SLC20A2: variants seen among roughly 807,000 people sequenced by gnomAD.
The protein encoded by SLC20A2 is solute carrier family 20 member 2.
Under a neutral mutation model 61.0 loss-of-function variants are expected in SLC20A2, and 30 were observed. The ratio of observed to expected loss-of-function variants is 0.49; its 90% CI spans 0.37 to 0.67. The LOEUF (loss-of-function observed/expected upper bound fraction) is 0.67. Ranked by LOEUF, SLC20A2 falls within the 30% of genes least tolerant of loss-of-function variation. The pLI is 0.00. For synonymous variants in SLC20A2, 351 were observed against 353.3 expected, an observed-to-expected ratio of 0.99 and a Z score of 0.07; for missense variants, 626 against 866.4, an observed-to-expected ratio of 0.72 and a Z score of 3.48.
intron 1 of SLC20A2, among the ~76,000 whole-genome samples, chr8:42,529,666 C>CA (rs1812204273): frequency 6.6e-6 from 1 of 152,182 alleles, no homozygotes; most frequent in South Asian, 2.1e-4. Context: ...TTTCTGCTAA[C>CA]AAGACATACA....
chr8:42,484,715 A>T, intron 1 of SLC20A2: 1 of 380,756 alleles, frequency 2.6e-6, no homozygotes, highest in Non-Finnish European at 5.1e-6. Context: ...GGTGTGGTCT[A>T]TGGCTGGCAG....
intron 5 of SLC20A2, among the ~76,000 whole-genome samples, chr8:42,446,199 G>GA (rs911351183): frequency 3.3e-5 from 5 of 152,150 alleles, no homozygotes; most frequent in African/African-American, 1.2e-4. Flanking sequence ...TTACAGTGCA[G>GA]AAAAACTTTT....
At chr8:42,509,717 G>C (rs886193468) in intron 1 of SLC20A2, among the ~76,000 whole-genome samples, 8 of 152,120 alleles carry the variant, frequency 5.3e-5, no homozygotes, top group Non-Finnish European at 7.4e-5. Flanking sequence ...TTGTGCCAAT[G>C]CATTCCAGCC....
intron 1 of SLC20A2, chr8:42,534,526 T>C (rs1187157619): frequency 1.3e-5 from 2 of 152,076 alleles, no homozygotes; most frequent in Non-Finnish European, 2.9e-5. Context: ...TAAAGAGTAA[T>C]GCTGGAAAGA....
chr8:42,479,652 C>A (rs1437383285), intron 1 of SLC20A2, among the ~76,000 whole-genome samples: 3 of 152,008 alleles, frequency 2.0e-5, no homozygotes, highest in African/African-American at 7.3e-5. Flanking sequence ...ATAGCAAAAC[C>A]CTGTCTCTAC....
At chr8:42,467,873 T>C (rs954214408) in intron 2 of SLC20A2, among the ~76,000 whole-genome samples, 3 of 152,152 alleles carry the variant, frequency 2.0e-5, no homozygotes, top group Non-Finnish European at 4.4e-5. Context: ...GGAGCACGTT[T>C]CATAGCACGG....
intron 1 of SLC20A2, among the ~76,000 whole-genome samples, chr8:42,517,503 A>T (rs2131390543): frequency 6.6e-6 from 1 of 152,250 alleles, no homozygotes; most frequent in Non-Finnish European, 1.5e-5. Context: ...ATCAATTTTT[A>T]GCCATATCTG....
chr8:42,476,651 TAAAC>T (rs1022922989), intron 1 of SLC20A2, among the ~76,000 whole-genome samples: 2 of 152,168 alleles, frequency 1.3e-5, no homozygotes, highest in African/African-American at 4.8e-5. Flanking sequence ...CTCTCCTACT[TAAAC>T]AGCCTTAGAC....
chr8:42,417,758 A>G lies in SLC20A2; in HGVS notation c.*45T>C, dbSNP rs1355224830. 1 of 1,604,060 alleles carries G rather than the reference A, an allele frequency of 6.2e-7. No individual in the cohort carries two copies. Among genetic ancestry groups the G allele is most frequent in the East Asian group, 2.2e-5 (1 of 44,654 alleles). ...GAGCACACATGTCTCCCACACGCCA[A>G]CACCAGACCATCCCTTTAGCTGTTT... is the stretch of plus-strand genomic sequence containing the variant. On this transcript the variant is annotated 3_prime_UTR_variant, in exon 11 of 11. Transcript: ENST00000520262.
At chr8:42,478,207 CTTTT>C (rs1773265070) in intron 1 of SLC20A2, among the ~76,000 whole-genome samples, 1 of 131,878 alleles carries the variant, frequency 7.6e-6, no homozygotes, top group Non-Finnish European at 1.7e-5. Flanking sequence ...TTTTCTTTTC[CTTTT>C]CTTTTTTTTT....
intron 1 of SLC20A2, among the ~76,000 whole-genome samples, chr8:42,494,059 C>T (rs185749454): frequency 1.5e-3 from 221 of 152,276 alleles, no homozygotes; most frequent in African/African-American, 5.0e-3. Flanking sequence ...GGGAGGATCG[C>T]TCAAGCTGGG....
chr8:42,470,619 G>C (rs974994855), intron 2 of SLC20A2, among the ~76,000 whole-genome samples: 2 of 152,074 alleles, frequency 1.3e-5, no homozygotes, highest in Non-Finnish European at 2.9e-5. Context: ...CAGACGCCTC[G>C]AACAACATGA....
chr8:42,444,636 A>G lies in SLC20A2; in HGVS notation c.730+10T>C. The G allele has an allele frequency of 6.3e-7, 1 of 1,596,744 alleles. No homozygotes were observed. Among genetic ancestry groups the G allele is most frequent in the Non-Finnish European group, 8.6e-7 (1 of 1,165,646 alleles). On this transcript the variant is annotated intron_variant, in intron 6 of 10. Coordinates refer to ENST00000520262, the MANE Select transcript of SLC20A2 (RefSeq NM_001257180.2). ...ATTTCTGTAAATCAGAAGAATTAAA[A>G]GGCCCATACCTGTTATTTTCCTCCG...
chr8:42,419,095 T>C (rs1802874804), intron 10 of SLC20A2, among the ~76,000 whole-genome samples: 1 of 151,936 alleles, frequency 6.6e-6, no homozygotes, highest in Admixed American at 6.6e-5. Flanking sequence ...AATTCAAAAC[T>C]TAGAGAAAAG....
chr8:42,491,048 A>G (rs1809474576), intron 1 of SLC20A2, among the ~76,000 whole-genome samples: 1 of 152,242 alleles, frequency 6.6e-6, no homozygotes, highest in South Asian at 2.1e-4. Context: ...AAAAGAGGAA[A>G]ACAAATGCAA....
At chr8:42,525,465 C>G (rs925077704) in intron 1 of SLC20A2, among the ~76,000 whole-genome samples, 1 of 151,380 alleles carries the variant, frequency 6.6e-6, no homozygotes. Context: ...ACCTGTAATC[C>G]CAGCTACTCA....
intron 1 of SLC20A2, among the ~76,000 whole-genome samples, chr8:42,540,559 G>A (rs1402008040): frequency 2.0e-5 from 3 of 152,176 alleles, no homozygotes; most frequent in African/African-American, 7.2e-5. Flanking sequence ...AAGCTAGTAT[G>A]TTATTGCGTA....
intron 1 of SLC20A2, among the ~76,000 whole-genome samples, chr8:42,539,546 A>G (rs1324723578): frequency 6.6e-6 from 1 of 152,238 alleles, no homozygotes; most frequent in African/African-American, 2.4e-5. Context: ...AATGTAAATA[A>G]CATCCTTAAC....
intron 1 of SLC20A2, among the ~76,000 whole-genome samples, chr8:42,514,571 A>G (rs1811213557): frequency 6.6e-6 from 1 of 152,132 alleles, no homozygotes; most frequent in Non-Finnish European, 1.5e-5. Context: ...CAGCCTGGCC[A>G]ACATGGTGAA....
Sources: allele counts gnomAD v4.1 joint callset (sites outside exome capture counted in the v4.1 genomes callset), GRCh38; gene constraint gnomAD v4.1.1; transcripts MANE v1.5; gene names NCBI Gene and HGNC (gene_info 2026-07-23, HGNC 2026-07-21).